TRIQK: variants seen among roughly 807,000 people sequenced by gnomAD.
TRIQK encodes triple QxxK/R motif containing, also known as triple QxxK/R motif-containing protein.
TRIQK carries 10 observed loss-of-function variants against 10.8 expected under a neutral mutation model. The observed-to-expected ratio is 0.92, with a 90% CI of 0.57 to 1.57. The LOEUF (loss-of-function observed/expected upper bound fraction) is 1.57. Ranked by LOEUF, TRIQK falls within the 40% of genes most tolerant of loss-of-function variation. The probability of loss-of-function intolerance (pLI) is 0.00; values close to 1 mark genes in which losing one functional copy is unlikely to be tolerated. For missense variants in TRIQK, 107 were observed against 97.7 expected, an observed-to-expected ratio of 1.09 and a Z score of -0.40; for synonymous variants, 33 against 33.7, an observed-to-expected ratio of 0.98 and a Z score of 0.07.
intron 3 of TRIQK, among the ~76,000 whole-genome samples, chr8:92,902,767 C>T (rs1809020711): frequency 1.3e-5 from 2 of 151,924 alleles, no homozygotes; most frequent in South Asian, 4.1e-4. Flanking sequence ...TTTAATAAAA[C>T]TATTGATATG....
chr8:92,951,337 A>G (rs761935600), intron 2 of TRIQK, among the ~76,000 whole-genome samples: 2 of 152,056 alleles, frequency 1.3e-5, no homozygotes, highest in Non-Finnish European at 2.9e-5. Context: ...AGTTAAACAG[A>G]CTGAAAAATC....
intron 1 of TRIQK, among the ~76,000 whole-genome samples, chr8:92,982,938 A>G (rs763718789): frequency 6.6e-6 from 1 of 151,930 alleles, no homozygotes; most frequent in Non-Finnish European, 1.5e-5. Context: ...TATTCAATCT[A>G]TAAGTGACAC....
chr8:92,915,933 A>G (rs1453449067), intron 3 of TRIQK, among the ~76,000 whole-genome samples: 1 of 152,010 alleles, frequency 6.6e-6, no homozygotes, highest in Non-Finnish European at 1.5e-5. Context: ...AAATAGATAT[A>G]TACTATATTT....
intron 1 of TRIQK, among the ~76,000 whole-genome samples, chr8:92,991,990 CAACG>C (rs2130750655): frequency 6.6e-6 from 1 of 152,216 alleles, no homozygotes; most frequent in Non-Finnish European, 1.5e-5. Context: ...AACCACTGCT[CAACG>C]AAATAAAAGA....
intron 2 of TRIQK, among the ~76,000 whole-genome samples, chr8:92,918,864 T>G (rs1810013225): frequency 6.6e-6 from 1 of 151,936 alleles, no homozygotes; most frequent in African/African-American, 2.4e-5. Context: ...TGTCTTACAT[T>G]TAAGTCTTTA....
intron 1 of TRIQK, among the ~76,000 whole-genome samples, chr8:92,978,140 T>G (rs1196872742): frequency 6.6e-6 from 1 of 152,126 alleles, no homozygotes; most frequent in African/African-American, 2.4e-5. Context: ...AGTTGTCTCC[T>G]GTCTGACACC....
At chr8:92,998,787 T>C (rs1017554461) in intron 1 of TRIQK, among the ~76,000 whole-genome samples, 2 of 152,090 alleles carry the variant, frequency 1.3e-5, no homozygotes, top group Non-Finnish European at 2.9e-5. Context: ...ACTTTAGTGG[T>C]GAAGTCAGAC....
intron 2 of TRIQK, among the ~76,000 whole-genome samples, chr8:92,926,057 G>A (rs1383333464): frequency 6.6e-6 from 1 of 150,748 alleles, no homozygotes; most frequent in Non-Finnish European, 1.5e-5. Flanking sequence ...TCCAGCTGGG[G>A]AACAGAGCAA....
At chr8:92,979,571 G>T (rs957911437) in intron 1 of TRIQK, among the ~76,000 whole-genome samples, 16 of 151,800 alleles carry the variant, frequency 1.1e-4, no homozygotes, top group Middle Eastern at 3.2e-3. Flanking sequence ...CTTTTAAATG[G>T]TTTTTTGTAA....
intron 1 of TRIQK, among the ~76,000 whole-genome samples, chr8:92,981,265 G>A (rs1380703790): frequency 2.0e-5 from 3 of 151,484 alleles, no homozygotes; most frequent in African/African-American, 7.3e-5. Context: ...AGGTCTCTTT[G>A]TAGTTTATTA....
chr8:92,917,061 A>G, intron 2 of TRIQK, 51 bp from the exon 3 acceptor site: 1 of 1,119,916 alleles, frequency 8.9e-7, no homozygotes, highest in East Asian at 2.9e-5. Flanking sequence ...GAGTGTCTAT[A>G]AAATCCAGAA....
intron 3 of TRIQK, among the ~76,000 whole-genome samples, chr8:92,898,935 A>T (rs1372822720): frequency 2.1e-5 from 3 of 145,240 alleles, no homozygotes; most frequent in Non-Finnish European, 4.5e-5. Flanking sequence ...CATCAGGGTA[A>T]ATGCGGTATC....
At chr8:92,919,278 T>C (rs539200310) in intron 2 of TRIQK, among the ~76,000 whole-genome samples, 39 of 151,876 alleles carry the variant, frequency 2.6e-4, no homozygotes, top group Non-Finnish European at 5.3e-4. Flanking sequence ...GGTATTTTGA[T>C]AGAGATTGCA....
intron 1 of TRIQK, chr8:92,974,468 G>A (rs1446699076): frequency 6.6e-6 from 1 of 152,178 alleles, no homozygotes; most frequent in Non-Finnish European, 1.5e-5. Flanking sequence ...CCTTTTTTAG[G>A]GAAGGGTATC....
intron 1 of TRIQK, among the ~76,000 whole-genome samples, chr8:92,988,613 C>T (rs1004220003): frequency 1.3e-5 from 2 of 152,176 alleles, no homozygotes; most frequent in Admixed American, 1.3e-4. Context: ...CTCTGCTCTA[C>T]TTAACCCTCA....
intron 1 of TRIQK, among the ~76,000 whole-genome samples, chr8:93,015,254 A>G (rs1189212542): frequency 6.6e-6 from 1 of 151,964 alleles, no homozygotes; most frequent in African/African-American, 2.4e-5. Flanking sequence ...ATTTCTTTAC[A>G]TAATTCTAGT....
At chr8:92,991,689 A>C (rs1813097819) in intron 1 of TRIQK, among the ~76,000 whole-genome samples, 1 of 152,192 alleles carries the variant, frequency 6.6e-6, no homozygotes, top group South Asian at 2.1e-4. Flanking sequence ...AAGCGTATTC[A>C]AATGGGAAGA....
intron 2 of TRIQK, among the ~76,000 whole-genome samples, chr8:92,949,828 AAGAAAG>A (rs1274545443): frequency 4.0e-5 from 5 of 123,960 alleles, no homozygotes; most frequent in Non-Finnish European, 7.1e-5. Context: ...GAAAGAAAGA[AAGAAAG>A]AAAGAAAGGG....
chr8:92,976,080 G>A (rs1262214596), intron 1 of TRIQK, among the ~76,000 whole-genome samples: 2 of 151,742 alleles, frequency 1.3e-5, no homozygotes. Context: ...TTATTATATA[G>A]GTTTTCTTGG....
Sources: allele counts gnomAD v4.1 joint callset (sites outside exome capture counted in the v4.1 genomes callset), GRCh38; gene constraint gnomAD v4.1.1; transcripts MANE v1.5; gene names NCBI Gene and HGNC (gene_info 2026-07-23, HGNC 2026-07-21).